The following ARIH2 variants were observed in gnomAD, a reference collection of about 807,000 sequenced individuals.
ARIH2 encodes ariadne RBR E3 ubiquitin protein ligase 2.
Under a neutral mutation model 79.8 loss-of-function variants are expected in ARIH2, and 12 were observed. The ratio of observed to expected loss-of-function variants is 0.15; its 90% CI spans 0.10 to 0.24. The LOEUF (loss-of-function observed/expected upper bound fraction) is 0.24. ARIH2 is among the 10% of genes least tolerant of loss of function. ARIH2 has a pLI of 1.00. For missense variants in ARIH2, 301 were observed against 618.3 expected, an observed-to-expected ratio of 0.49 and a Z score of 5.44; for synonymous variants, 224 against 213.9, an observed-to-expected ratio of 1.05 and a Z score of -0.41.
At chr3:48,925,832 C>T (rs2085510582) in intron 2 of ARIH2, among the ~76,000 whole-genome samples, 1 of 151,732 alleles carries the variant, frequency 6.6e-6, no homozygotes, top group South Asian at 2.1e-4. Flanking sequence ...GATTCTCCTG[C>T]CTCAGCCACC....
intron 3 of ARIH2, among the ~76,000 whole-genome samples, chr3:48,941,080 G>A (rs755787408): frequency 1.9e-4 from 28 of 151,224 alleles, no homozygotes; most frequent in Non-Finnish European, 3.8e-4. Flanking sequence ...GCTGAAGCAG[G>A]AGAATGGCGT....
At chr3:48,932,225 A>C (rs2086471466) in intron 3 of ARIH2, among the ~76,000 whole-genome samples, 1 of 152,194 alleles carries the variant, frequency 6.6e-6, no homozygotes, top group Non-Finnish European at 1.5e-5. Flanking sequence ...AGCTGCTGGC[A>C]TTCAAATAGT....
rs999739770 is a variant in ARIH2, at chr3:48,984,652, G to C, written c.*1382G>C. On this transcript the variant is annotated 3_prime_UTR_variant, in exon 16 of 16. Coordinates refer to ENST00000356401, the MANE Select transcript of ARIH2 (RefSeq NM_006321.4). Reference sequence around the variant, plus strand: ...TGGGGTTTTTGTGGCTTTGTTCAATGCTTCCACTCTAGGGCAGGCAGAGCA... The same window carrying C: ...TGGGGTTTTTGTGGCTTTGTTCAATCCTTCCACTCTAGGGCAGGCAGAGCA... 2.6e-5 allele frequency: 4 copies of C among 152,206 alleles called. No individual in the cohort carries two copies. The highest frequency in any genetic ancestry group is 9.6e-5 in the African/African-American group (4 of 41,452). 9.4% of individuals were successfully genotyped at this position (152,206 alleles called of 1,614,324 possible). A position where few individuals can be genotyped will look rare whatever the true frequency, so the allele number is the denominator to read the frequency against.
chr3:48,964,941 C>G lies in ARIH2; in HGVS notation c.346C>G (p.Leu116Val), dbSNP rs757880723. The G allele has an allele frequency of 2.6e-5, 42 of 1,613,560 alleles. No homozygotes were observed. Among genetic ancestry groups the G allele is most frequent in the Non-Finnish European group, 3.3e-5 (39 of 1,179,772 alleles). Residue 116 changes from leucine to valine, a missense_variant, in exon 5 of 16, where the codon CTG becomes GTG. This residue lies in a region of ARIH2 where 223 missense variants were observed against 349.4 expected (regional missense o/e 0.64). Coordinates refer to ENST00000356401, the MANE Select transcript of ARIH2 (RefSeq NM_006321.4). ...LDRYKSNSAQLLVEARVQPNP... is the reference protein window; with the variant it reads ...LDRYKSNSAQVLVEARVQPNP... ...TAGATACAAGTCCAATTCTGCTCAACTGCTTGTTGAGGCTCGAGTTCAGCC... is the reference window on the plus strand; with the variant it reads ...TAGATACAAGTCCAATTCTGCTCAAGTGCTTGTTGAGGCTCGAGTTCAGCC...
chr3:48,947,381 T>A (rs2089322937), intron 3 of ARIH2, among the ~76,000 whole-genome samples: 1 of 140,040 alleles, frequency 7.1e-6, no homozygotes, highest in Non-Finnish European at 1.5e-5. Flanking sequence ...GTGGAGGTTG[T>A]GGTGAGCCAA....
In ARIH2 at chr3:48,964,904, C is replaced by CT. The variant is rs1410462286; in HGVS notation, c.324-10dup. 3 of 1,611,246 alleles carry CT rather than the reference C, an allele frequency of 1.9e-6. No homozygotes were observed. Among genetic ancestry groups the CT allele is most frequent in the Non-Finnish European group, 2.5e-6 (3 of 1,178,004 alleles). ...TAGCTTCTGATTGCCTTCATTTCTG[C>CT]TTTTTGTTTTGTAGATACAAGTCCA... On this transcript the variant is annotated splice_polypyrimidine_tract_variant and intron_variant, in intron 4 of 15. Coordinates refer to ENST00000356401, the MANE Select transcript of ARIH2 (RefSeq NM_006321.4).
intron 8 of ARIH2, 160 bp downstream of exon 8, chr3:48,970,864 A>T: frequency 3.5e-6 from 2 of 569,560 alleles, no homozygotes; most frequent in South Asian, 4.0e-5. Flanking sequence ...CCAGCATCTC[A>T]TATTCCACTA....
Position 48,941,782 on chromosome 3 carries a change from C to T in ARIH2, c.255+13969C>T, listed in dbSNP as rs185332927. Among the ~76,000 whole-genome samples, 23 of 150,822 alleles carry T rather than the reference C, an allele frequency of 1.5e-4. No homozygotes were observed. The East Asian group carries it at 2.8e-3, about 18-fold the overall frequency. Reference sequence around the variant, plus strand: ...TAATTTTTTGTATTTTTAGTAGAGACGGGGTTAGCCAGGATAGTCTCGATC... The same window carrying T: ...TAATTTTTTGTATTTTTAGTAGAGATGGGGTTAGCCAGGATAGTCTCGATC... On this transcript the variant is annotated intron_variant, in intron 3 of 15. Transcript: ENST00000356401.
chr3:48,925,221 C>G (rs1337740432), intron 2 of ARIH2: 1 of 151,638 alleles, frequency 6.6e-6, no homozygotes, highest in African/African-American at 2.4e-5. Context: ...TCACACCATT[C>G]TCCTGCCTCA....
At chr3:48,957,905 G>A (rs75660365) in intron 3 of ARIH2, among the ~76,000 whole-genome samples, 3 of 152,132 alleles carry the variant, frequency 2.0e-5, no homozygotes, top group South Asian at 4.2e-4. Flanking sequence ...TAGTAGCGAC[G>A]GGATGTCACC....
chr3:48,919,335 T>A (rs1318079249), intron 1 of ARIH2: 1 of 698,792 alleles, frequency 1.4e-6, no homozygotes, highest in African/African-American at 1.9e-5. Context: ...TCGAGTCATC[T>A]TTGGGAGCTC....
At chr3:48,934,995 C>A in intron 3 of ARIH2, 1 of 972,602 alleles carries the variant, frequency 1.0e-6, no homozygotes, top group Non-Finnish European at 1.2e-6. Context: ...ATATTTTAAT[C>A]TTGAGTTTAT....
chr3:48,928,215 A>G (rs1256817826), intron 3 of ARIH2, among the ~76,000 whole-genome samples: 1 of 152,242 alleles, frequency 6.6e-6, no homozygotes, highest in African/African-American at 2.4e-5. Context: ...GAGAGTATAC[A>G]GATCCCTCTG....
chr3:48,926,709 C>G (rs2085669314), intron 2 of ARIH2: 1 of 152,148 alleles, frequency 6.6e-6, no homozygotes. Flanking sequence ...TATCACCACA[C>G]CTGGCTAATT....
intron 3 of ARIH2, among the ~76,000 whole-genome samples, chr3:48,952,705 C>T (rs1196969729): frequency 6.6e-6 from 1 of 152,022 alleles, no homozygotes; most frequent in Non-Finnish European, 1.5e-5. Flanking sequence ...GTGGTGCCCC[C>T]CACTGGCAAG....
chr3:48,926,102 G>A (rs1018006318), intron 2 of ARIH2, among the ~76,000 whole-genome samples: 3 of 152,156 alleles, frequency 2.0e-5, no homozygotes, highest in Non-Finnish European at 2.9e-5. Context: ...GTTAATGGGT[G>A]TTTGCCACAA....
intron 15 of ARIH2, 35 bp downstream of exon 15, chr3:48,983,014 C>T (rs1448462836): frequency 3.8e-6 from 6 of 1,587,404 alleles, no homozygotes; most frequent in African/African-American, 2.7e-5. Context: ...TTCTATATTG[C>T]AGGTAGAGGA....
In ARIH2 at chr3:48,983,329, A is replaced by G. The variant is rs1576586256; in HGVS notation, c.*59A>G. 2 of 1,563,152 alleles carry G rather than the reference A, an allele frequency of 1.3e-6. No homozygotes were observed. Among genetic ancestry groups the G allele is most frequent in the Admixed American group, 1.7e-5 (1 of 59,928 alleles). ...GTGGCTGCAAGGTCTCCCGGCTGCC[A>G]TACTGCATGCTGCAGGCTCTGCCTT... is the stretch of plus-strand genomic sequence containing the variant. On this transcript the variant is annotated 3_prime_UTR_variant, in exon 16 of 16. Coordinates refer to ENST00000356401, the MANE Select transcript of ARIH2 (RefSeq NM_006321.4).
chr3:48,967,383 G>A, intron 6 of ARIH2, 108 bp downstream of exon 6: 1 of 1,261,516 alleles, frequency 7.9e-7, no homozygotes, highest in African/African-American at 1.5e-5. Flanking sequence ...GCCTGATTGG[G>A]GTTTTTATCA....
Sources: allele counts gnomAD v4.1 joint callset (sites outside exome capture counted in the v4.1 genomes callset), GRCh38; gene constraint gnomAD v4.1.1; regional missense constraint gnomAD v4.1.1; transcripts MANE v1.5; gene names NCBI Gene and HGNC (gene_info 2026-07-23, HGNC 2026-07-21).